The following GRIP1 variants were observed in gnomAD, a reference collection of about 807,000 sequenced individuals.
GRIP1 encodes the protein glutamate receptor interacting protein 1, also known as glutamate receptor-interacting protein 1.
Under a neutral mutation model 129.9 loss-of-function variants are expected in GRIP1, and 45 were observed. That is an observed-to-expected ratio of 0.35 (90% confidence interval 0.27 to 0.44). GRIP1 has a LOEUF of 0.44. Ranked by LOEUF, GRIP1 falls within the 20% of genes least tolerant of loss-of-function variation. GRIP1 has a pLI of 1.00. For missense variants in GRIP1, 1,196 were observed against 1,396.8 expected (o/e 0.86, Z 2.29); for synonymous variants, 530 against 520.8 (o/e 1.02, Z -0.24).
intron 5 of GRIP1, among the ~76,000 whole-genome samples, chr12:66,524,033 T>TCC (rs758605171): frequency 9.2e-5 from 14 of 152,096 alleles, no homozygotes; most frequent in Non-Finnish European, 1.9e-4. Context: ...ATAAAGCAAG[T>TCC]CCTTAGTGAC....
At chr12:66,496,195 T>C (rs1398844933) in intron 7 of GRIP1, among the ~76,000 whole-genome samples, 4 of 152,170 alleles carry the variant, frequency 2.6e-5, no homozygotes, top group Non-Finnish European at 5.9e-5. Flanking sequence ...ATGATGTTTA[T>C]CTGAAGCCAC....
At chr12:66,638,725 G>A in intron 1 of GRIP1, among the ~76,000 whole-genome samples, 1 of 152,152 alleles carries the variant, frequency 6.6e-6, no homozygotes, top group East Asian at 1.9e-4. Context: ...TGTCTAAGGT[G>A]AGTGTTGGGA....
intron 1 of GRIP1, among the ~76,000 whole-genome samples, chr12:66,922,174 A>C (rs568815128): frequency 8.5e-5 from 13 of 152,350 alleles, no homozygotes; most frequent in Non-Finnish European, 1.3e-4. Flanking sequence ...AAAACCAATT[A>C]ATAAATACAC....
At chr12:66,444,842 C>CTT (rs1233474086) in intron 12 of GRIP1, 113 bp from the exon 13 acceptor site, 1 of 1,083,210 alleles carries the variant, frequency 9.2e-7, no homozygotes, top group African/African-American at 1.5e-5. Context: ...TTTGGTCTTG[C>CTT]TTATTCAATG....
intron 5 of GRIP1, among the ~76,000 whole-genome samples, chr12:66,525,851 A>G (rs1426257722): frequency 1.3e-5 from 2 of 152,000 alleles, no homozygotes; most frequent in Non-Finnish European, 2.9e-5. Context: ...TACAAAATCA[A>G]TGTACAAAAA....
chr12:66,490,599 C>T (rs148909413), intron 7 of GRIP1, among the ~76,000 whole-genome samples: 439 of 152,042 alleles, frequency 2.9e-3, no homozygotes, highest in Admixed American at 5.3e-3. Context: ...ATACTAAAAG[C>T]AAAAATTGAC....
chr12:66,647,683 A>T (rs1244808367), intron 1 of GRIP1, among the ~76,000 whole-genome samples: 1 of 152,144 alleles, frequency 6.6e-6, no homozygotes, highest in Non-Finnish European at 1.5e-5. Flanking sequence ...CAAATCCAAC[A>T]TCACATATTC....
intron 11 of GRIP1, among the ~76,000 whole-genome samples, chr12:66,449,012 C>T (rs1219950949): frequency 6.6e-6 from 1 of 152,184 alleles, no homozygotes; most frequent in Non-Finnish European, 1.5e-5. Flanking sequence ...TCTTGACACA[C>T]TTTTGTGTCT....
intron 9 of GRIP1, among the ~76,000 whole-genome samples, chr12:66,457,358 C>A (rs1184341262): frequency 6.6e-6 from 1 of 152,120 alleles, no homozygotes; most frequent in Non-Finnish European, 1.5e-5. Flanking sequence ...ATCTTGAATT[C>A]CTGGGTTCAG....
intron 2 of GRIP1, among the ~76,000 whole-genome samples, chr12:66,572,205 T>C (rs2062986136): frequency 6.6e-6 from 1 of 152,172 alleles, no homozygotes; most frequent in Non-Finnish European, 1.5e-5. Context: ...AACCCTTGTA[T>C]ATCAGCGGCA....
At chr12:66,736,855 G>A (rs1384188871) in intron 1 of GRIP1, among the ~76,000 whole-genome samples, 2 of 151,812 alleles carry the variant, frequency 1.3e-5, no homozygotes, top group Admixed American at 1.3e-4. Context: ...GACATTTTCT[G>A]GAAAAGTAGT....
At chr12:66,622,431 T>C (rs1216435478) in intron 1 of GRIP1, among the ~76,000 whole-genome samples, 2 of 152,128 alleles carry the variant, frequency 1.3e-5, no homozygotes, top group Admixed American at 6.6e-5. Flanking sequence ...TATATTTGGA[T>C]TGTTTGCAAC....
intron 14 of GRIP1, among the ~76,000 whole-genome samples, chr12:66,421,677 T>TA (rs1555181701): frequency 1.3e-5 from 2 of 151,352 alleles, no homozygotes; most frequent in Non-Finnish European, 2.9e-5. Context: ...TTTTTTTTTT[T>TA]AGTAAATATT....
At position 66,394,220 on chromosome 12, in the gene GRIP1, C is replaced by G; in HGVS notation, c.2117G>C (p.Gly706Ala). Residue 706 changes from glycine (G) to alanine (A), a missense_variant, in exon 17 of 25, where the codon GGA becomes GCA. Transcript: ENST00000359742. ...CTTCAAATTTTACCTTTCAGCTAAT[C>G]CCCCTTTAGTGAGGCTTGAAATGAT... ...PIIISSLTKG[G>A]LAERTGAIHI... 1 of 1,613,926 alleles carries G rather than the reference C, an allele frequency of 6.2e-7. No individual in the cohort carries two copies. Among genetic ancestry groups the G allele is most frequent in the Non-Finnish European group, 8.5e-7 (1 of 1,179,846 alleles).
intron 1 of GRIP1, among the ~76,000 whole-genome samples, chr12:66,643,276 A>C (rs2032089193): frequency 1.3e-5 from 2 of 152,232 alleles, no homozygotes; most frequent in African/African-American, 2.4e-5. Context: ...CTAAGGAAAT[A>C]ACTAGACAGC....
At chr12:66,890,793 G>C (rs1215895588) in intron 1 of GRIP1, among the ~76,000 whole-genome samples, 1 of 152,206 alleles carries the variant, frequency 6.6e-6, no homozygotes, top group East Asian at 1.9e-4. Flanking sequence ...ATTTTAGCAA[G>C]AGGGTAGAGA....
intron 1 of GRIP1, among the ~76,000 whole-genome samples, chr12:66,742,625 T>G (rs2036822640): frequency 6.6e-6 from 1 of 151,712 alleles, no homozygotes; most frequent in Admixed American, 6.6e-5. Context: ...ACTCATTTAC[T>G]CAGAAAAATG....
intron 1 of GRIP1, among the ~76,000 whole-genome samples, chr12:66,839,914 T>A (rs746152966): frequency 5.3e-5 from 8 of 152,304 alleles, no homozygotes; most frequent in Non-Finnish European, 1.5e-5. Flanking sequence ...TTGTCACCAT[T>A]TATATTTGAT....
chr12:66,646,663 T>C (rs1008270377), intron 1 of GRIP1, among the ~76,000 whole-genome samples: 2 of 152,198 alleles, frequency 1.3e-5, no homozygotes, highest in African/African-American at 2.4e-5. Flanking sequence ...TTTGCTACGT[T>C]AAAAGATGGC....
Sources: gnomAD v4.1 joint callset for allele counts (sites outside exome capture counted in the v4.1 genomes callset) on GRCh38, gnomAD v4.1.1 for gene constraint, MANE v1.5 for transcripts, NCBI Gene and HGNC (gene_info 2026-07-23, HGNC 2026-07-21) for gene names.